TANC1: variants seen among roughly 807,000 people sequenced by gnomAD.
The protein encoded by TANC1 is protein TANC1.
In TANC1, 77 loss-of-function variants were observed where a neutral mutation model predicts 149.7. The ratio of observed to expected loss-of-function variants is 0.51; its 90% CI spans 0.43 to 0.62. The LOEUF (loss-of-function observed/expected upper bound fraction) is 0.62. TANC1 is among the 20% of genes least tolerant of loss of function. The probability of loss-of-function intolerance (pLI) is 0.00; values close to 1 mark genes in which losing one functional copy is unlikely to be tolerated. For missense variants in TANC1, 1,985 were observed against 2,321.8 expected (o/e 0.85, Z 2.98); for synonymous variants, 854 against 925.0 (o/e 0.92, Z 1.39).
chr2:158,976,437 A>G (rs1195112784), intron 1 of TANC1, among the ~76,000 whole-genome samples: 1 of 152,214 alleles, frequency 6.6e-6, no homozygotes, highest in Non-Finnish European at 1.5e-5. Context: ...GGTTTTAACT[A>G]AACTGACCCC....
intron 19 of TANC1, among the ~76,000 whole-genome samples, chr2:159,205,730 G>C (rs1052359044): frequency 1.3e-5 from 2 of 152,228 alleles, no homozygotes; most frequent in African/African-American, 4.8e-5. Context: ...TTCTCAGGAT[G>C]CATCCCTGTC....
intron 2 of TANC1, among the ~76,000 whole-genome samples, chr2:159,031,648 G>A (rs1424882445): frequency 6.6e-6 from 1 of 152,172 alleles, no homozygotes; most frequent in Non-Finnish European, 1.5e-5. Context: ...GCTTTTGAGT[G>A]CTATTACTTA....
Position 159,178,931 on chromosome 2 carries a change from G to C in TANC1, c.2278G>C (p.Val760Leu). 1 of 1,614,164 alleles carries C rather than the reference G, an allele frequency of 6.2e-7. No individual in the cohort carries two copies. The highest frequency in any genetic ancestry group is 1.1e-5 in the South Asian group (1 of 91,078). ...AFERALPILN[V>L]ALASLHPMTD... ...TGAGAGGGCACTTCCGATTCTCAAC[G>C]TGGCCCTCGCATCCCTCCACCCCAT... The change falls in exon 14 of 27, where the codon GTG (valine) becomes CTG (leucine). Residue 760 changes from valine to leucine, a missense_variant. Physicochemically the swap from Val to Leu is conservative, Grantham distance 32 (BLOSUM62 1). Transcript: ENST00000263635.
chr2:159,127,166 A>G (rs1486371930), intron 4 of TANC1, among the ~76,000 whole-genome samples: 1 of 152,236 alleles, frequency 6.6e-6, no homozygotes, highest in Non-Finnish European at 1.5e-5. Context: ...ATGAACAGAC[A>G]ATTTTGAAAA....
chr2:159,173,974 G>A (rs1219053963), intron 11 of TANC1, among the ~76,000 whole-genome samples: 4 of 152,280 alleles, frequency 2.6e-5, no homozygotes, highest in African/African-American at 9.6e-5. Context: ...TCAGTGTCTG[G>A]TGCCCTCAGT....
At chr2:159,010,027 A>G (rs1396045032) in intron 2 of TANC1, among the ~76,000 whole-genome samples, 1 of 152,212 alleles carries the variant, frequency 6.6e-6, no homozygotes, top group African/African-American at 2.4e-5. Context: ...AGATTTCACA[A>G]CAAGAGAGAA....
intron 4 of TANC1, among the ~76,000 whole-genome samples, chr2:159,110,626 GTGAAAAGTA>G (rs2047633614): frequency 6.6e-6 from 1 of 152,192 alleles, no homozygotes; most frequent in Non-Finnish European, 1.5e-5. Flanking sequence ...TCTGTGGTAT[GTGAAAAGTA>G]GCAGCCTGAA....
intron 2 of TANC1, among the ~76,000 whole-genome samples, chr2:159,021,842 C>T (rs2038855503): frequency 6.6e-6 from 1 of 152,178 alleles, no homozygotes; most frequent in African/African-American, 2.4e-5. Context: ...TATAGACTGG[C>T]ATGTAATTAA....
rs749907889 is a variant in TANC1 at position 159,170,698 on chromosome 2, A to G, written c.1244A>G (p.Asn415Ser). ...AACAGAGGCGCGGTGGTGGTTGGCA[A>G]TGTGGGATTTGGGAAGACGGCAATC... is the stretch of plus-strand genomic sequence containing the variant. ...AENRGAVVVG[N>S]VGFGKTAIIS... Residue 415 changes from asparagine to serine, a missense_variant, in exon 10 of 27, where the codon AAT becomes AGT. Physicochemically the swap from Asn to Ser is conservative, Grantham distance 46. Transcript: ENST00000263635. The G allele has an allele frequency of 9.3e-6, 15 of 1,614,144 alleles. No individual in the cohort carries two copies. Among genetic ancestry groups the G allele is most frequent in the South Asian group, 7.7e-5 (7 of 91,080 alleles).
chr2:159,175,245 C>T (rs2055715418), intron 12 of TANC1, 61 bp downstream of exon 12: 1 of 1,403,886 alleles, frequency 7.1e-7, no homozygotes, highest in Non-Finnish European at 1.0e-6. Context: ...CACAGGTGGT[C>T]CCCAGAAGGC....
chr2:159,192,565 T>TA (rs1284049086), intron 16 of TANC1, among the ~76,000 whole-genome samples: 3 of 152,226 alleles, frequency 2.0e-5, no homozygotes, highest in Non-Finnish European at 4.4e-5. Context: ...AGGAACTTAT[T>TA]AAAAATGTAC....
At chr2:159,217,471 T>C in intron 19 of TANC1, 26 bp from the exon 20 acceptor site, 1 of 1,613,866 alleles carries the variant, frequency 6.2e-7, no homozygotes, top group Non-Finnish European at 8.5e-7. Flanking sequence ...TGCTAACAGA[T>C]TCCCCTCCAT....
At chr2:159,101,535 T>C (rs570977499) in intron 4 of TANC1, among the ~76,000 whole-genome samples, 293 of 152,286 alleles carry the variant, frequency 1.9e-3, no homozygotes, top group Non-Finnish European at 2.9e-3. Context: ...TTTTCATTGT[T>C]AGAAGATTGT....
At chr2:159,139,709 T>A (rs1341792869) in intron 5 of TANC1, among the ~76,000 whole-genome samples, 3 of 151,900 alleles carry the variant, frequency 2.0e-5, no homozygotes, top group East Asian at 1.9e-4. Context: ...AAACTTTTTT[T>A]AAATGATATC....
At position 159,141,837 on chromosome 2, in the gene TANC1, A is replaced by T. The variant is rs561274590; in HGVS notation, c.364+5539A>T. 2.6e-5 allele frequency among the ~76,000 whole-genome samples: 4 copies of T among 152,318 alleles called. No homozygotes were observed. In the East Asian group the frequency reaches 7.7e-4, roughly 29 times the overall value. ...AAGAGGGACAGGAAAAGACCACACA[A>T]GACCACAGTATTCTGGTAATCATGG... On this transcript the variant is annotated intron_variant, in intron 5 of 26. Transcript: ENST00000263635.
intron 4 of TANC1, among the ~76,000 whole-genome samples, chr2:159,123,919 G>A (rs553434385): frequency 2.3e-4 from 35 of 152,160 alleles, no homozygotes; most frequent in Non-Finnish European, 4.4e-4. Context: ...CAGCTCAATC[G>A]CTGCCTTCCT....
At chr2:159,059,139 T>C (rs2042052385) in intron 2 of TANC1, among the ~76,000 whole-genome samples, 1 of 152,210 alleles carries the variant, frequency 6.6e-6, no homozygotes, top group African/African-American at 2.4e-5. Flanking sequence ...GAATAAAGAA[T>C]GAATGACTGG....
At chr2:159,089,022 G>T (rs1338859973) in intron 3 of TANC1, among the ~76,000 whole-genome samples, 5 of 152,180 alleles carry the variant, frequency 3.3e-5, no homozygotes, top group African/African-American at 1.2e-4. Flanking sequence ...GAGAAAAGAT[G>T]CAATCAGCCA....
intron 3 of TANC1, among the ~76,000 whole-genome samples, chr2:159,096,613 T>C (rs1409880802): frequency 6.6e-6 from 1 of 152,222 alleles, no homozygotes; most frequent in Non-Finnish European, 1.5e-5. Context: ...TGTTCCCCTA[T>C]TGGCTAGGGT....
Sources: allele counts gnomAD v4.1 joint callset (sites outside exome capture counted in the v4.1 genomes callset), GRCh38; gene constraint gnomAD v4.1.1; transcripts MANE v1.5; gene names NCBI Gene and HGNC (gene_info 2026-07-23, HGNC 2026-07-21).